The following PHYHD1 variants were observed in gnomAD, a reference collection of about 807,000 sequenced individuals.
The protein encoded by PHYHD1 is phytanoyl-CoA dioxygenase domain-containing protein 1.
A neutral mutation model predicts 43.6 loss-of-function variants in PHYHD1; 42 were observed. The observed-to-expected ratio is 0.96, with a 90% CI of 0.75 to 1.25. The LOEUF (loss-of-function observed/expected upper bound fraction) is 1.25, where lower values mean the gene tolerates loss of function less well. Among genes scored for constraint, PHYHD1 ranks in the 50% most tolerant of loss-of-function variants. The pLI is 0.00. For missense variants in PHYHD1, 342 were observed against 370.8 expected, an observed-to-expected ratio of 0.92 and a Z score of 0.64; for synonymous variants, 139 against 143.6, an observed-to-expected ratio of 0.97 and a Z score of 0.23.
Position 128,941,943 on chromosome 9 carries a change from C to A in PHYHD1, c.*230C>A. On this transcript the variant is annotated 3_prime_UTR_variant, in exon 13 of 13. Transcript: ENST00000372592. ...AGCCTTGAGGAGGCTTCTCAGCCAC[C>A]AAAGGGTTCTGGCCCCTTCTCACTC... 1.7e-6 allele frequency: 1 copy of A among 596,320 alleles called. No homozygotes were observed. Among genetic ancestry groups the A allele is most frequent in the Non-Finnish European group, 3.0e-6 (1 of 337,300 alleles). The allele number at this position is 596,320 out of a possible 1,614,324, so 36.9% of individuals were successfully genotyped here.
chr9:128,928,067 G>T (rs1471434131), intron 4 of PHYHD1, among the ~76,000 whole-genome samples: 1 of 152,224 alleles, frequency 6.6e-6, no homozygotes, highest in Non-Finnish European at 1.5e-5. Flanking sequence ...TTGCGCCTGG[G>T]CCAGGTGAGA....
At chr9:128,922,438 A>C (rs1588242091) in intron 3 of PHYHD1, 82 bp downstream of exon 3, 1 of 1,477,298 alleles carries the variant, frequency 6.8e-7, no homozygotes, top group African/African-American at 1.4e-5. Flanking sequence ...TGCCCAACCC[A>C]CCCCCTGCCC....
chr9:128,932,178 A>T (rs796347303), intron 4 of PHYHD1, among the ~76,000 whole-genome samples: 27,826 of 104,588 alleles, frequency 0.27, 4,501 homozygotes, highest in African/African-American at 0.35. Context: ...TGTTATTATT[A>T]TTATTATTTT....
chr9:128,941,872 G>T lies in PHYHD1; in HGVS notation c.*159G>T. ...GGCAGCAGCCTAGGCTGGGTCAGGG[G>T]CTTCCCTAAGATCTTCACCTCTCTG... On this transcript the variant is annotated 3_prime_UTR_variant, in exon 13 of 13. Transcript: ENST00000372592. 1 of 932,630 alleles carries T rather than the reference G, an allele frequency of 1.1e-6. No individual in the cohort carries two copies. Among genetic ancestry groups the T allele is most frequent in the Non-Finnish European group, 1.6e-6 (1 of 623,140 alleles). 57.8% of individuals were successfully genotyped at this position (932,630 alleles called of 1,614,324 possible).
rs1841155766 is a variant in PHYHD1 at position 128,927,088 on chromosome 9, G to C, written c.84G>C (p.Glu28Asp). The C allele has an allele frequency of 6.2e-7, 1 of 1,614,170 alleles. No homozygotes were observed. The highest frequency in any genetic ancestry group is 8.5e-7 in the Non-Finnish European group (1 of 1,180,006). Residue 28 changes from glutamate to aspartate, a missense_variant, in exon 4 of 13, where the codon GAG (glutamate) becomes GAC (aspartate). Transcript: ENST00000372592. The stretch of plus-strand genomic sequence containing the variant: ...TGGAAGGATTCTTGTCTGCGGAAGA[G>C]TGTGTGGCCATGCAACAAAGGATTG... ...LVLEGFLSAE[E>D]CVAMQQRIGE... is the part of the protein sequence containing the mutation.
intron 4 of PHYHD1, among the ~76,000 whole-genome samples, chr9:128,931,745 T>A (rs1490248343): frequency 6.6e-6 from 1 of 152,042 alleles, no homozygotes; most frequent in African/African-American, 2.4e-5. Flanking sequence ...GCCAAGATGG[T>A]CTCGATCTCC....
In PHYHD1 at chr9:128,938,871, G is replaced by C. The variant is rs1211403431; in HGVS notation, c.457+1093G>C. ...TTCTGCTCAAATACCTCTGGTGACA[G>C]GGAGCTCATCCCCTCCCAGGAAGCC... is the stretch of plus-strand genomic sequence containing the variant. On this transcript the variant is annotated intron_variant, in intron 9 of 12. Coordinates refer to ENST00000372592, the MANE Select transcript of PHYHD1 (RefSeq NM_001100876.2). Among the ~76,000 whole-genome samples the C allele has an allele frequency of 2.3e-5, 3 of 131,218 alleles. 1 individual carries two copies. Among genetic ancestry groups the C allele is most frequent in the Non-Finnish European group, 5.3e-5 (3 of 56,296 alleles). The allele number at this position is 131,218 out of a possible 152,430, so 86.1% of individuals were successfully genotyped here.
At chr9:128,940,206 C>T (rs1046323869) in intron 9 of PHYHD1, among the ~76,000 whole-genome samples, 163 bp from the exon 10 acceptor site, 4 of 152,170 alleles carry the variant, frequency 2.6e-5, no homozygotes, top group African/African-American at 9.7e-5. Context: ...GAGGTGAAAT[C>T]GCTTGCCTTA....
At chr9:128,932,120 C>G (rs1841296097) in intron 4 of PHYHD1, among the ~76,000 whole-genome samples, 1 of 151,450 alleles carries the variant, frequency 6.6e-6, no homozygotes, top group East Asian at 1.9e-4. Context: ...AAGGCATGAG[C>G]CACCGCACCC....
At position 128,933,785 on chromosome 9, in the gene PHYHD1, A is replaced by G. The variant is rs1841356742; in HGVS notation, c.196A>G (p.Ser66Gly). The G allele has an allele frequency of 6.2e-7, 1 of 1,613,982 alleles. No individual in the cohort carries two copies. Among genetic ancestry groups the G allele is most frequent in the Admixed American group, 1.7e-5 (1 of 59,998 alleles). Residue 66 changes from serine (S) to glycine (G), a missense_variant, in exon 5 of 13, where the codon AGC becomes GGC. By Grantham distance (56) the Ser-to-Gly change is moderately conservative. Transcript: ENST00000372592. ...QEEEQLRAQG[S>G]TDYFLSSGDK... ...CTCTGATGTCCCCTTTCCACAGGGC[A>G]GCACAGACTATTTCTTGAGCAGTGG...
intron 4 of PHYHD1, among the ~76,000 whole-genome samples, chr9:128,928,260 G>A (rs947506332): frequency 1.3e-5 from 2 of 152,204 alleles, no homozygotes; most frequent in Non-Finnish European, 2.9e-5. Flanking sequence ...TCCATTCGGG[G>A]GGATACTGGG....
At chr9:128,940,274 A>G in intron 9 of PHYHD1, 95 bp from the exon 10 acceptor site, 1 of 1,546,628 alleles carries the variant, frequency 6.5e-7, no homozygotes, top group Non-Finnish European at 8.8e-7. Flanking sequence ...CTGGCCCTGG[A>G]GAGCACCCAG....
chr9:128,938,429 G>T (rs72758894), intron 9 of PHYHD1, among the ~76,000 whole-genome samples: 58,933 of 151,194 alleles, frequency 0.39, 11,574 homozygotes, highest in Admixed American at 0.43. Flanking sequence ...TGTTTTTTGG[G>T]TTTTTTTTTG....
At chr9:128,928,094 G>A (rs528260911) in intron 4 of PHYHD1, among the ~76,000 whole-genome samples, 282 of 152,372 alleles carry the variant, frequency 1.9e-3, no homozygotes, top group African/African-American at 6.5e-3. Flanking sequence ...CACTCACGCC[G>A]AGGAGCACCT....
chr9:128,934,820 G>A (rs1324218876), intron 6 of PHYHD1, among the ~76,000 whole-genome samples: 3 of 151,648 alleles, frequency 2.0e-5, no homozygotes, highest in South Asian at 4.2e-4. Context: ...ATTAGTGGTC[G>A]GGTAAATGGC....
intron 4 of PHYHD1, among the ~76,000 whole-genome samples, chr9:128,931,735 G>A (rs541928208): frequency 2.0e-5 from 3 of 151,958 alleles, no homozygotes; most frequent in African/African-American, 7.2e-5. Flanking sequence ...CACCGTGTTA[G>A]CCAAGATGGT....
At chr9:128,938,780 G>T (rs1159525526) in intron 9 of PHYHD1, among the ~76,000 whole-genome samples, 2 of 130,800 alleles carry the variant, frequency 1.5e-5, no homozygotes, top group Non-Finnish European at 3.6e-5. Flanking sequence ...AGAAATTGCT[G>T]ATCTAGTTCC....
rs1451829077 is a variant in PHYHD1 at position 128,927,179 on chromosome 9, G to A, written c.175G>A (p.Glu59Lys). 2.5e-6 allele frequency: 4 copies of A among 1,613,894 alleles called. No individual in the cohort carries two copies. Among genetic ancestry groups the A allele is most frequent in the Non-Finnish European group, 3.4e-6 (4 of 1,179,996 alleles). Reference sequence around the variant, plus strand: ...CACAGAATTCTCCACCCAGGAAGAGGAGCAGCTTCGAGCCCAGGTAGGTGT... The same window carrying A: ...CACAGAATTCTCCACCCAGGAAGAGAAGCAGCTTCGAGCCCAGGTAGGTGT... ...CRTEFSTQEE[E>K]QLRAQGSTDY... is the part of the protein sequence containing the mutation. Residue 59 changes from glutamate (E) to lysine (K), a missense_variant, in exon 4 of 13, where the codon GAG (glutamate) becomes AAG (lysine). Physicochemically the swap from Glu to Lys is moderately conservative, Grantham distance 56 (BLOSUM62 1). Transcript: ENST00000372592.
chr9:128,927,551 T>C (rs1841168864), intron 4 of PHYHD1, among the ~76,000 whole-genome samples: 1 of 152,136 alleles, frequency 6.6e-6, no homozygotes, highest in South Asian at 2.1e-4. Flanking sequence ...AATTTTTGTA[T>C]TTTTAGTAGA....
Sources: allele counts gnomAD v4.1 joint callset (sites outside exome capture counted in the v4.1 genomes callset), GRCh38; gene constraint gnomAD v4.1.1; transcripts MANE v1.5; gene names NCBI Gene and HGNC (gene_info 2026-07-23, HGNC 2026-07-21).